B3GALT1: variants seen among roughly 807,000 people sequenced by gnomAD.
B3GALT1 encodes beta-1,3-galactosyltransferase 1.
Under a neutral mutation model 23.2 loss-of-function variants are expected in B3GALT1, and 10 were observed. The observed-to-expected ratio is 0.43, with a 90% CI of 0.27 to 0.73. B3GALT1 has a LOEUF of 0.73. B3GALT1 is among the 30% of genes least tolerant of loss of function. The probability of loss-of-function intolerance (pLI) is 0.21; values close to 1 mark genes in which losing one functional copy is unlikely to be tolerated. For missense variants in B3GALT1, 299 were observed against 405.4 expected (o/e 0.74, Z 2.25); for synonymous variants, 156 against 141.5 (o/e 1.10, Z -0.73).
chr2:167,837,533 C>T (rs1476669044), intron 4 of B3GALT1, among the ~76,000 whole-genome samples: 14 of 150,960 alleles, frequency 9.3e-5, no homozygotes, highest in Non-Finnish European at 1.5e-4. Flanking sequence ...AAAGCAAGTC[C>T]TGAGTGACCT....
rs186693500 is a variant in B3GALT1 at position 167,359,095 on chromosome 2, T to C, written c.-511+65761T>C. Among the ~76,000 whole-genome samples the C allele has an allele frequency of 2.7e-3, 418 of 152,300 alleles. 1 individual carries two copies. The highest frequency in any genetic ancestry group is 9.3e-3 in the African/African-American group (386 of 41,586). On this transcript the variant is annotated intron_variant, in intron 1 of 4. Transcript: ENST00000392690. ...GATTACAGGCGTGAGCCACCGCGCC[T>C]GGCCAAGCAAAAGTTATTTTTTAAA...
intron 1 of B3GALT1, among the ~76,000 whole-genome samples, chr2:167,349,713 T>G (rs1697280658): frequency 1.3e-5 from 2 of 152,146 alleles, no homozygotes; most frequent in Non-Finnish European, 2.9e-5. Context: ...AGAAATGTGT[T>G]CTGATTAATG....
intron 2 of B3GALT1, among the ~76,000 whole-genome samples, chr2:167,491,371 C>T (rs1429140676): frequency 6.6e-6 from 1 of 152,068 alleles, no homozygotes; most frequent in African/African-American, 2.4e-5. Flanking sequence ...AGGGGTATCA[C>T]CATAAAAGGC....
At chr2:167,592,585 G>A (rs780578453) in intron 2 of B3GALT1, among the ~76,000 whole-genome samples, 2 of 152,160 alleles carry the variant, frequency 1.3e-5, no homozygotes, top group African/African-American at 4.8e-5. Context: ...CTATGAGCTA[G>A]TTATCAAAGC....
chr2:167,708,623 T>C (rs1420825242), intron 3 of B3GALT1, among the ~76,000 whole-genome samples: 2 of 152,078 alleles, frequency 1.3e-5, no homozygotes, highest in Non-Finnish European at 2.9e-5. Flanking sequence ...ATCACACCAT[T>C]GCACTCCAGC....
intron 3 of B3GALT1, among the ~76,000 whole-genome samples, chr2:167,784,457 G>C (rs1271151798): frequency 1.3e-5 from 2 of 152,136 alleles, no homozygotes; most frequent in African/African-American, 2.4e-5. Context: ...TTTTTCAAGA[G>C]TATACTGGCA....
intron 2 of B3GALT1, among the ~76,000 whole-genome samples, chr2:167,590,843 G>C (rs1393276841): frequency 6.6e-6 from 1 of 152,130 alleles, no homozygotes; most frequent in African/African-American, 2.4e-5. Context: ...TATGTTTCAG[G>C]ATAACTGCAA....
At chr2:167,767,608 T>G (rs976929579) in intron 3 of B3GALT1, among the ~76,000 whole-genome samples, 2 of 152,212 alleles carry the variant, frequency 1.3e-5, no homozygotes, top group African/African-American at 4.8e-5. Context: ...TTTTTCATAA[T>G]ACACATTTTC....
rs552254090 is a variant in B3GALT1 at position 167,832,586 on chromosome 2, C to T, written c.-230+13793C>T. ...AGTTTCAATTAAATATGAGGACTCA[C>T]TTGTTAAAGCAAAGGCATTTGCATA... is the stretch of plus-strand genomic sequence containing the variant. On this transcript the variant is annotated intron_variant, in intron 4 of 4. Transcript: ENST00000392690. 4.5e-3 allele frequency among the ~76,000 whole-genome samples: 682 copies of T among 152,320 alleles called. 2 individuals are homozygous for T. Among genetic ancestry groups the T allele is most frequent in the South Asian group, 9.5e-3 (46 of 4,828 alleles).
chr2:167,493,784 A>C (rs1253243504), intron 2 of B3GALT1, among the ~76,000 whole-genome samples: 2 of 152,148 alleles, frequency 1.3e-5, no homozygotes, highest in African/African-American at 4.8e-5. Context: ...GGATTTTCAA[A>C]CATTAGTATA....
chr2:167,870,102 G>A lies in B3GALT1; in HGVS notation c.*82G>A, dbSNP rs1690313620. ...TGTTGGTATTTTCCAGGTGTCGGGG[G>A]AAATGAACTGGTGAAGGGGTTTTGT... On this transcript the variant is annotated 3_prime_UTR_variant, in exon 5 of 5. Coordinates refer to ENST00000392690, the MANE Select transcript of B3GALT1 (RefSeq NM_020981.4). 3 of 1,393,452 alleles carry A rather than the reference G, an allele frequency of 2.2e-6. No individual in the cohort carries two copies. Among genetic ancestry groups the A allele is most frequent in the Non-Finnish European group, 1.9e-6 (2 of 1,039,630 alleles). The allele number at this position is 1,393,452 out of a possible 1,614,324, so 86.3% of individuals were successfully genotyped here. A position where few individuals can be genotyped will look rare whatever the true frequency, so the allele number is the denominator to read the frequency against.
At chr2:167,600,312 T>C (rs1258596548) in intron 2 of B3GALT1, among the ~76,000 whole-genome samples, 2 of 152,172 alleles carry the variant, frequency 1.3e-5, no homozygotes, top group Non-Finnish European at 2.9e-5. Context: ...TATTAAGGTT[T>C]TGTGGATTTT....
At chr2:167,647,539 C>A (rs1685769156) in intron 3 of B3GALT1, among the ~76,000 whole-genome samples, 2 of 151,686 alleles carry the variant, frequency 1.3e-5, no homozygotes, top group South Asian at 2.1e-4. Flanking sequence ...ACATTTGAAA[C>A]CCTTAGAAAG....
intron 3 of B3GALT1, among the ~76,000 whole-genome samples, chr2:167,663,899 C>A (rs1011481509): frequency 4.6e-5 from 7 of 151,524 alleles, no homozygotes; most frequent in African/African-American, 9.7e-5. Flanking sequence ...AATTTTCTCC[C>A]ATTTTGTGGG....
At chr2:167,337,345 G>A (rs865953941) in intron 1 of B3GALT1, among the ~76,000 whole-genome samples, 10 of 151,316 alleles carry the variant, frequency 6.6e-5, no homozygotes, top group Admixed American at 6.6e-5. Context: ...CTCCAAATGC[G>A]TGCTCACACA....
chr2:167,553,342 T>G (rs1683782837), intron 2 of B3GALT1, among the ~76,000 whole-genome samples: 1 of 152,168 alleles, frequency 6.6e-6, no homozygotes, highest in African/African-American at 2.4e-5. Context: ...TAATAAAATG[T>G]TAGGAGCAAG....
intron 3 of B3GALT1, among the ~76,000 whole-genome samples, chr2:167,669,086 A>G (rs1686272999): frequency 6.6e-6 from 1 of 151,998 alleles, no homozygotes; most frequent in Non-Finnish European, 1.5e-5. Context: ...TTTTCCGCAA[A>G]ACATGTAGCT....
At chr2:167,683,762 C>A (rs1006109391) in intron 3 of B3GALT1, among the ~76,000 whole-genome samples, 1 of 152,130 alleles carries the variant, frequency 6.6e-6, no homozygotes, top group Non-Finnish European at 1.5e-5. Context: ...CACACACACA[C>A]ACACATCAAA....
intron 3 of B3GALT1, among the ~76,000 whole-genome samples, chr2:167,661,901 G>C (rs576519429): frequency 8.5e-5 from 13 of 152,180 alleles, no homozygotes; most frequent in Admixed American, 7.9e-4. Context: ...ATAACTAAGT[G>C]TCAGGGGTGG....
Sources: allele counts gnomAD v4.1 joint callset (sites outside exome capture counted in the v4.1 genomes callset), GRCh38; gene constraint gnomAD v4.1.1; transcripts MANE v1.5; gene names NCBI Gene and HGNC (gene_info 2026-07-23, HGNC 2026-07-21).